The following MYO9A variants were observed in gnomAD, a reference collection of about 807,000 sequenced individuals.
MYO9A encodes unconventional myosin-IXa.
In MYO9A, 103 loss-of-function variants were observed where a neutral mutation model predicts 293.3. The ratio of observed to expected loss-of-function variants is 0.35; its 90% CI spans 0.30 to 0.41. MYO9A has a LOEUF of 0.41. Among genes scored for constraint, MYO9A ranks in the 10% least tolerant of loss-of-function variants. The probability of loss-of-function intolerance (pLI) is 1.00; values close to 1 mark genes in which losing one functional copy is unlikely to be tolerated. For synonymous variants in MYO9A, 1,001 were observed against 1,035.7 expected, an observed-to-expected ratio of 0.97 and a Z score of 0.64; for missense variants, 2,685 against 3,033.0, an observed-to-expected ratio of 0.89 and a Z score of 2.69.
intron 26 of MYO9A, chr15:71,889,439 CA>C (rs1228478938): frequency 4.9e-5 from 6 of 123,300 alleles, no homozygotes; most frequent in African/African-American, 1.8e-4. Flanking sequence ...TTGGGTCTAA[CA>C]AACCTTTTTT....
intron 11 of MYO9A, among the ~76,000 whole-genome samples, chr15:71,982,005 ATTTTTTTTTTTTTTTTT>A (rs750930471): frequency 2.3e-4 from 13 of 56,258 alleles, no homozygotes; most frequent in Admixed American, 1.5e-3. Context: ...CCTATTTAGA[ATTTTTTTTTTTTTTTTT>A]TTTTTTTTTT....
chr15:71,931,874 G>C (rs1189625606), intron 18 of MYO9A, among the ~76,000 whole-genome samples: 1 of 152,044 alleles, frequency 6.6e-6, no homozygotes, highest in African/African-American at 2.4e-5. Context: ...AAATTCTAGG[G>C]TACCTCTCAA....
chr15:71,986,614 G>A (rs995762773), intron 11 of MYO9A, among the ~76,000 whole-genome samples: 2 of 152,086 alleles, frequency 1.3e-5, no homozygotes, highest in African/African-American at 2.4e-5. Context: ...ATGTATACAT[G>A]CTAACATGTA....
intron 1 of MYO9A, among the ~76,000 whole-genome samples, chr15:72,112,973 G>A (rs923886374): frequency 1.6e-4 from 25 of 152,292 alleles, no homozygotes; most frequent in Admixed American, 4.6e-4. Flanking sequence ...GGCTCAGCCT[G>A]TAATCCTAGC....
At position 72,112,440 on chromosome 15, in the gene MYO9A, T is replaced by C. The variant is rs954977653; in HGVS notation, c.-72+5240A>G. On this transcript the variant is annotated intron_variant, in intron 1 of 41. Coordinates refer to ENST00000356056, the MANE Select transcript of MYO9A (RefSeq NM_006901.4). The stretch of plus-strand genomic sequence containing the variant: ...TTACTATACCTATCCCAAGCATATT[T>C]ACCACTCATAATTCATAGGCCATTT... Among the ~76,000 whole-genome samples the C allele has an allele frequency of 6.6e-5, 10 of 152,352 alleles. No individual in the cohort carries two copies. In the South Asian group the frequency reaches 1.2e-3, roughly 19 times the overall value.
rs933901201 is a variant in MYO9A, at chr15:72,095,125, T to C, written c.-72+22555A>G. ...ACTTTAAATCAAAACCTAGAATGATTAGGCTTAGTGAGAAAGGCATGCTGA... is the reference window on the plus strand; with the variant it reads ...ACTTTAAATCAAAACCTAGAATGATCAGGCTTAGTGAGAAAGGCATGCTGA... On this transcript the variant is annotated intron_variant, in intron 1 of 41. Transcript: ENST00000356056. Among the ~76,000 whole-genome samples, 4 of 92,508 alleles carry C rather than the reference T, an allele frequency of 4.3e-5. 1 individual carries two copies. The highest frequency in any genetic ancestry group is 1.0e-4 in the African/African-American group (4 of 39,010). 60.7% of individuals were successfully genotyped at this position (92,508 alleles called of 152,430 possible).
chr15:71,906,666 A>T (rs958203638), intron 19 of MYO9A, among the ~76,000 whole-genome samples: 1 of 150,046 alleles, frequency 6.7e-6, no homozygotes, highest in Non-Finnish European at 1.5e-5. Flanking sequence ...TTCATTTTTT[A>T]ACCCTTTAGT....
Position 71,988,522 on chromosome 15 carries a change from C to T in MYO9A, c.1722+2581G>A, listed in dbSNP as rs75163932. The stretch of plus-strand genomic sequence containing the variant: ...CAGATTATATGTTTAAAACTTTAAG[C>T]ATTCATCAAGTTGGCCAGGACTAAT... On this transcript the variant is annotated intron_variant, in intron 11 of 41. Coordinates refer to ENST00000356056, the MANE Select transcript of MYO9A (RefSeq NM_006901.4). Among the ~76,000 whole-genome samples, 664 of 152,320 alleles carry T rather than the reference C, an allele frequency of 4.4e-3. 4 individuals carry two copies. Among genetic ancestry groups the T allele is most frequent in the African/African-American group, 0.015 (620 of 41,568 alleles).
chr15:71,982,005 A>ATTTTTTTTTTT lies in MYO9A; in HGVS notation c.1723-3724_1723-3714dup, dbSNP rs750930471. On this transcript the variant is annotated intron_variant, in intron 11 of 41. Transcript: ENST00000356056. ...TTGTTCAACCTCTAGCCTATTTAGA[A>ATTTTTTTTTTT]TTTTTTTTTTTTTTTTTTTTTTTTT... 3.6e-4 allele frequency among the ~76,000 whole-genome samples: 20 copies of ATTTTTTTTTTT among 56,308 alleles called. 1 individual carries two copies. The highest frequency in any genetic ancestry group is 1.1e-3 in the African/African-American group (13 of 11,496). The allele number at this position is 56,308 out of a possible 152,430, so 36.9% of individuals were successfully genotyped here.
intron 12 of MYO9A, among the ~76,000 whole-genome samples, chr15:71,977,640 CA>C (rs1451498643): frequency 6.6e-6 from 1 of 151,706 alleles, no homozygotes; most frequent in Non-Finnish European, 1.5e-5. Flanking sequence ...AAAAAGTCAA[CA>C]AGTTTGACAT....
chr15:71,893,297 C>T (rs1228594478), intron 26 of MYO9A: 1 of 720,258 alleles, frequency 1.4e-6, no homozygotes, highest in African/African-American at 1.9e-5. Context: ...TCCCTCCACC[C>T]AACCATGCCC....
chr15:71,914,741 T>TTTC lies in MYO9A; in HGVS notation c.2685+1628_2685+1629insGAA, dbSNP rs370543598. On this transcript the variant is annotated intron_variant, in intron 19 of 41. Transcript: ENST00000356056. ...ATAACTTAATGGCCGATTAGAAATA[T>TTTC]GAAAGAGGACTCTTTTTCTAAAAAT... Among the ~76,000 whole-genome samples, 243 of 152,300 alleles carry TTTC rather than the reference T, an allele frequency of 1.6e-3. 2 individuals are homozygous for TTTC. The highest frequency in any genetic ancestry group is 5.7e-3 in the African/African-American group (237 of 41,574).
Position 72,000,785 on chromosome 15 carries a change from A to G in MYO9A, c.1381-845T>C, listed in dbSNP as rs1057092225. Reference sequence around the variant, plus strand: ...CTCCCAAGCAGCTGGGACTACAGGCACACACCATGTCGATAATTTAAATCA... The same window carrying G: ...CTCCCAAGCAGCTGGGACTACAGGCGCACACCATGTCGATAATTTAAATCA... On this transcript the variant is annotated intron_variant, in intron 8 of 41. Transcript: ENST00000356056. 9.2e-5 allele frequency among the ~76,000 whole-genome samples: 14 copies of G among 152,186 alleles called. 1 individual carries two copies. The highest frequency in any genetic ancestry group is 9.2e-4 in the Admixed American group (14 of 15,278).
intron 1 of MYO9A, among the ~76,000 whole-genome samples, chr15:72,109,786 C>A (rs1309958272): frequency 1.3e-5 from 2 of 150,050 alleles, no homozygotes; most frequent in Non-Finnish European, 3.0e-5. Context: ...CTACTTGGGA[C>A]GCTGAGGCAC....
chr15:71,872,991 C>T, intron 32 of MYO9A, among the ~76,000 whole-genome samples: 1 of 151,936 alleles, frequency 6.6e-6, no homozygotes. Flanking sequence ...CGGCTCACTG[C>T]AATCTCCACC....
chr15:71,905,740 G>A (rs371116776), intron 19 of MYO9A, among the ~76,000 whole-genome samples: 60 of 101,040 alleles, frequency 5.9e-4, no homozygotes, highest in African/African-American at 2.0e-3. Flanking sequence ...TCCAGCCTGC[G>A]CAACAAAGTG....
At chr15:71,907,346 T>A (rs1567256725) in intron 19 of MYO9A, among the ~76,000 whole-genome samples, 1 of 145,096 alleles carries the variant, frequency 6.9e-6, no homozygotes, top group Admixed American at 7.0e-5. Context: ...TCTATCATTG[T>A]TGGACATTTG....
chr15:71,977,347 A>C (rs540458729), intron 12 of MYO9A, among the ~76,000 whole-genome samples: 2 of 152,098 alleles, frequency 1.3e-5, no homozygotes, highest in South Asian at 4.2e-4. Flanking sequence ...AGCGGTTCTC[A>C]TGCCTCAGCC....
intron 19 of MYO9A, among the ~76,000 whole-genome samples, chr15:71,905,820 G>A (rs2057619184): frequency 6.7e-6 from 1 of 148,550 alleles, no homozygotes; most frequent in Non-Finnish European, 1.5e-5. Context: ...AGCTTTTGGT[G>A]TCAGTGTTTT....
Sources: allele counts gnomAD v4.1 joint callset (sites outside exome capture counted in the v4.1 genomes callset), GRCh38; gene constraint gnomAD v4.1.1; transcripts MANE v1.5; gene names NCBI Gene and HGNC (gene_info 2026-07-23, HGNC 2026-07-21).